The following PRKG1 variants were observed in gnomAD, a reference collection of about 807,000 sequenced individuals.
PRKG1 encodes protein kinase cGMP-dependent 1, also known as cGMP-dependent protein kinase 1.
Under a neutral mutation model 88.1 loss-of-function variants are expected in PRKG1, and 35 were observed. That is an observed-to-expected ratio of 0.40 (90% CI 0.30 to 0.53). PRKG1 has a LOEUF of 0.53. PRKG1 is among the 20% of genes least tolerant of loss of function. The pLI, the probability that PRKG1 is intolerant of heterozygous loss-of-function variation, is 0.59. For missense variants in PRKG1, 540 were observed against 839.8 expected (o/e 0.64, Z 4.41); for synonymous variants, 303 against 292.5 (o/e 1.04, Z -0.37).
intron 2 of PRKG1, among the ~76,000 whole-genome samples, chr10:51,410,238 A>ATGTGTGTGTGTG (rs762105037): frequency 7.0e-6 from 1 of 143,702 alleles, no homozygotes; most frequent in African/African-American, 2.6e-5. Context: ...GTGTGTGTGT[A>ATGTGTGTGTGTG]TGTGTGTGTG....
At chr10:51,653,924 A>G (rs2132318579) in intron 3 of PRKG1, among the ~76,000 whole-genome samples, 1 of 152,284 alleles carries the variant, frequency 6.6e-6, no homozygotes, top group South Asian at 2.1e-4. Flanking sequence ...TGAGTTCCCT[A>G]TATATTTTGA....
intron 3 of PRKG1, among the ~76,000 whole-genome samples, chr10:51,725,187 G>A (rs1842103060): frequency 1.3e-5 from 2 of 152,154 alleles, no homozygotes; most frequent in Admixed American, 1.3e-4. Flanking sequence ...CCAATAGTTT[G>A]TTTTCTCCAT....
intron 10 of PRKG1, among the ~76,000 whole-genome samples, chr10:52,260,392 A>T (rs1841406317): frequency 6.6e-6 from 1 of 152,152 alleles, no homozygotes; most frequent in Admixed American, 6.6e-5. Flanking sequence ...TGCAATGCAA[A>T]ACCTTTCATG....
intron 3 of PRKG1, among the ~76,000 whole-genome samples, chr10:51,487,917 G>A (rs1043248001): frequency 1.3e-5 from 2 of 152,080 alleles, no homozygotes; most frequent in African/African-American, 4.8e-5. Flanking sequence ...AAACAACTGA[G>A]GATTTCAACT....
intron 10 of PRKG1, among the ~76,000 whole-genome samples, chr10:52,256,695 G>T (rs183887039): frequency 7.2e-6 from 1 of 139,674 alleles, no homozygotes; most frequent in African/African-American, 2.5e-5. Context: ...AAAAGGAAGG[G>T]AATGAAAGTA....
At chr10:51,947,166 G>T (rs1056218726) in intron 5 of PRKG1, among the ~76,000 whole-genome samples, 2 of 151,086 alleles carry the variant, frequency 1.3e-5, no homozygotes, top group Non-Finnish European at 2.9e-5. Context: ...CCTGGGCAAT[G>T]GCAGGCTCCC....
At chr10:51,816,507 A>G (rs961455929) in intron 4 of PRKG1, among the ~76,000 whole-genome samples, 19 of 151,280 alleles carry the variant, frequency 1.3e-4, no homozygotes, top group African/African-American at 4.6e-4. Context: ...ATTTCAATTC[A>G]TGGAAAAGTT....
intron 1 of PRKG1, among the ~76,000 whole-genome samples, chr10:51,101,656 A>G (rs1280308680): frequency 2.6e-5 from 4 of 152,186 alleles, no homozygotes; most frequent in Non-Finnish European, 4.4e-5. Flanking sequence ...TATTTTTTAT[A>G]AAAATGCTCA....
At chr10:51,768,960 C>T (rs1002227983) in intron 3 of PRKG1, among the ~76,000 whole-genome samples, 3 of 152,066 alleles carry the variant, frequency 2.0e-5, no homozygotes, top group Admixed American at 6.6e-5. Flanking sequence ...CTTTGATGAA[C>T]GTAAGTGAAG....
chr10:51,177,455 G>A (rs1382033004), intron 2 of PRKG1, among the ~76,000 whole-genome samples: 3 of 152,108 alleles, frequency 2.0e-5, no homozygotes, highest in East Asian at 1.9e-4. Context: ...ACTAAGGGTA[G>A]TAAACAGTGG....
chr10:51,384,349 C>T (rs992713558), intron 2 of PRKG1, among the ~76,000 whole-genome samples: 2 of 152,088 alleles, frequency 1.3e-5, no homozygotes, highest in African/African-American at 2.4e-5. Context: ...ATAAATCACT[C>T]CCATAGGAGC....
chr10:52,109,697 T>C (rs1847509629), intron 7 of PRKG1, among the ~76,000 whole-genome samples: 1 of 150,704 alleles, frequency 6.6e-6, no homozygotes, highest in Non-Finnish European at 1.5e-5. Flanking sequence ...AACTCAGTGA[T>C]GTCGGCAGTG....
At chr10:51,126,040 T>C (rs1179064469) in intron 1 of PRKG1, among the ~76,000 whole-genome samples, 2 of 124,128 alleles carry the variant, frequency 1.6e-5, no homozygotes, top group Non-Finnish European at 3.1e-5. Context: ...TTATATCTAA[T>C]ATACTATATA....
intron 4 of PRKG1, among the ~76,000 whole-genome samples, chr10:51,879,422 A>G (rs936675351): frequency 3.3e-5 from 5 of 152,174 alleles, no homozygotes; most frequent in Non-Finnish European, 7.3e-5. Context: ...ACACATACAG[A>G]ACTATGATTC....
chr10:51,054,084 C>A (rs889222227), intron 1 of PRKG1, among the ~76,000 whole-genome samples: 17 of 151,774 alleles, frequency 1.1e-4, no homozygotes, highest in Non-Finnish European at 2.1e-4. Context: ...CTTATTGTGC[C>A]CCTTTGAGCT....
intron 7 of PRKG1, among the ~76,000 whole-genome samples, chr10:52,107,290 A>G (rs1397682842): frequency 6.6e-6 from 1 of 152,256 alleles, no homozygotes; most frequent in African/African-American, 2.4e-5. Context: ...AGAAAGAAGT[A>G]CATTTTAGAC....
chr10:52,267,062 CA>C (rs1472168658), intron 10 of PRKG1, among the ~76,000 whole-genome samples: 1 of 151,986 alleles, frequency 6.6e-6, no homozygotes, highest in Non-Finnish European at 1.5e-5. Context: ...TCATCATCAT[CA>C]TCATCATCAT....
chr10:51,895,401 T>G (rs1841818734), intron 4 of PRKG1, among the ~76,000 whole-genome samples: 1 of 152,176 alleles, frequency 6.6e-6, no homozygotes, highest in Non-Finnish European at 1.5e-5. Context: ...TGGGATTTCT[T>G]GCCCACATGT....
intron 5 of PRKG1, among the ~76,000 whole-genome samples, chr10:52,033,884 G>A (rs571217551): frequency 9.9e-5 from 15 of 151,790 alleles, no homozygotes; most frequent in South Asian, 8.3e-4. Context: ...GGGTGGGGCC[G>A]TTTTATAGGA....
Sources: allele counts gnomAD v4.1 joint callset (sites outside exome capture counted in the v4.1 genomes callset), GRCh38; gene constraint gnomAD v4.1.1; transcripts MANE v1.5; gene names NCBI Gene and HGNC (gene_info 2026-07-23, HGNC 2026-07-21).